The following MAN2A2 variants were observed in gnomAD, a reference collection of about 807,000 sequenced individuals.
MAN2A2 encodes the protein alpha-mannosidase 2x.
A neutral mutation model predicts 126.8 loss-of-function variants in MAN2A2; 79 were observed. The observed-to-expected ratio is 0.62, with a 90% CI of 0.52 to 0.75. The LOEUF is 0.75. Ranked by LOEUF, MAN2A2 falls within the 30% of genes least tolerant of loss-of-function variation. The pLI, the probability that MAN2A2 is intolerant of heterozygous loss-of-function variation, is 0.00. For synonymous variants in MAN2A2, 671 were observed against 618.7 expected, an observed-to-expected ratio of 1.08 and a Z score of -1.25; for missense variants, 1,392 against 1,522.4, an observed-to-expected ratio of 0.91 and a Z score of 1.43.
intron 19 of MAN2A2, among the ~76,000 whole-genome samples, chr15:90,914,669 G>A (rs541892989): frequency 3.2e-4 from 49 of 152,182 alleles, no homozygotes; most frequent in Non-Finnish European, 6.6e-4. Flanking sequence ...ACAGGCGCCC[G>A]CCACCATGCG....
chr15:90,916,115 T>C lies in MAN2A2; in HGVS notation c.2861-8T>C. ...GGGCGGGCCAGCACTCACTGTTTGCTTCCCCAGGCCAGCTGGAGGTGATCT... is the reference window on the plus strand; with the variant it reads ...GGGCGGGCCAGCACTCACTGTTTGCCTCCCCAGGCCAGCTGGAGGTGATCT... On this transcript the variant is annotated splice_polypyrimidine_tract_variant and splice_region_variant and intron_variant, in intron 19 of 22. Transcript: ENST00000559717. 6.2e-7 allele frequency: 1 copy of C among 1,613,594 alleles called. No homozygotes were observed. Among genetic ancestry groups the C allele is most frequent in the South Asian group, 1.1e-5 (1 of 91,072 alleles).
chr15:90,911,893 A>C, intron 14 of MAN2A2, 150 bp from the exon 15 acceptor site: 1 of 695,438 alleles, frequency 1.4e-6, no homozygotes, highest in Non-Finnish European at 2.5e-6. Flanking sequence ...TGAGGAAGAA[A>C]GGGCAAATCA....
At chr15:90,905,816 C>T in intron 4 of MAN2A2, 29 bp from the exon 5 acceptor site, 2 of 1,576,998 alleles carry the variant, frequency 1.3e-6, no homozygotes, top group South Asian at 2.3e-5. Flanking sequence ...ATGGTGGCAT[C>T]CTCAGGGGAC....
At chr15:90,919,577 C>G (rs2035442503) in intron 22 of MAN2A2, 58 bp from the exon 23 acceptor site, 1 of 1,587,538 alleles carries the variant, frequency 6.3e-7, no homozygotes, top group Non-Finnish European at 8.6e-7. Flanking sequence ...GATGAACAGC[C>G]ACATTCTTTA....
rs143254894 is a variant in MAN2A2, at chr15:90,911,923, G to A, written c.2110-120G>A. ...AAATCAGATCACCTCCACTTTGGAG[G>A]AGGGGCAGAGGCCCAGCGGGTGCAG... is the stretch of plus-strand genomic sequence containing the variant. On this transcript the variant is annotated intron_variant, in intron 14 of 22. Transcript: ENST00000559717. 8.1e-5 allele frequency: 62 copies of A among 769,068 alleles called. No homozygotes were observed. In the African/African-American group the frequency reaches 9.7e-4, roughly 12 times the overall value. The allele number at this position is 769,068 out of a possible 1,614,324, so 47.6% of individuals were successfully genotyped here. A position where few individuals can be genotyped will look rare whatever the true frequency, so the allele number is the denominator to read the frequency against.
At position 90,912,978 on chromosome 15, in the gene MAN2A2, T is replaced by G. The variant is rs1456486297; in HGVS notation, c.2571T>G (p.Leu857=). The G allele has an allele frequency of 1.9e-6, 3 of 1,613,662 alleles. No individual in the cohort carries two copies. Among genetic ancestry groups the G allele is most frequent in the Non-Finnish European group, 2.5e-6 (3 of 1,179,704 alleles). Residue 857 remains leucine (L), a synonymous_variant, in exon 17 of 23, where the codon CTT becomes CTG. Transcript: ENST00000559717. ...YYEHIHQAVR[L]YNLPGVEGLS... ...AGCACATTCACCAGGCGGTCCGGCT[T>G]TACAATCTGCCAGGTGAGCCCTGCA...
chr15:90,906,800 A>C lies in MAN2A2; in HGVS notation c.896A>C (p.Tyr299Ser). The change falls in exon 7 of 23, where the codon TAC becomes TCC. Residue 299 changes from tyrosine (Y) to serine (S), a missense_variant. Coordinates refer to ENST00000559717, the MANE Select transcript of MAN2A2 (RefSeq NM_006122.4). ...TTTGGATACAGCTCCACCATGCCTT[A>C]CCTGCTGCGCCGTGCCAACCTCACC... ...DPFGYSSTMP[Y>S]LLRRANLTSM... The C allele has an allele frequency of 6.2e-7, 1 of 1,613,862 alleles. No homozygotes were observed. Among genetic ancestry groups the C allele is most frequent in the South Asian group, 1.1e-5 (1 of 91,084 alleles).
chr15:90,911,962 C>A, intron 14 of MAN2A2, 81 bp from the exon 15 acceptor site: 1 of 1,190,776 alleles, frequency 8.4e-7, no homozygotes, highest in Non-Finnish European at 1.2e-6. Flanking sequence ...CTTGCTCAAG[C>A]CCTCTGTTAG....
chr15:90,903,538 G>C (rs1400523204), intron 1 of MAN2A2, 106 bp downstream of exon 1: 3 of 155,504 alleles, frequency 1.9e-5, no homozygotes, highest in African/African-American at 7.2e-5. Flanking sequence ...GGCCTTCGGC[G>C]TCACTGCAGG....
intron 20 of MAN2A2, 25 bp from the exon 21 acceptor site, chr15:90,918,169 C>T: frequency 6.2e-7 from 1 of 1,604,286 alleles, no homozygotes; most frequent in Non-Finnish European, 8.5e-7. Flanking sequence ...TGGTCCCTCA[C>T]CAATATCTCG....
chr15:90,906,073 A>T, intron 5 of MAN2A2, 57 bp downstream of exon 5: 1 of 1,606,368 alleles, frequency 6.2e-7, no homozygotes, highest in South Asian at 1.1e-5. Flanking sequence ...GGCTGGGTGG[A>T]CGGGTCTTAC....
chr15:90,921,921 A>C lies in MAN2A2; in HGVS notation c.*2134A>C, dbSNP rs930437310. 1.3e-5 allele frequency: 2 copies of C among 152,120 alleles called. No individual in the cohort carries two copies. Among genetic ancestry groups the C allele is most frequent in the Non-Finnish European group, 2.9e-5 (2 of 67,988 alleles). 9.4% of individuals were successfully genotyped at this position (152,120 alleles called of 1,614,324 possible). A position where few individuals can be genotyped will look rare whatever the true frequency, so the allele number is the denominator to read the frequency against. The stretch of plus-strand genomic sequence containing the variant: ...CAGCCTGGGTGACACAGCCAAAAAA[A>C]AAACCACTAAGTTAGATCTCTACCT... On this transcript the variant is annotated 3_prime_UTR_variant, in exon 23 of 23. Transcript: ENST00000559717.
At chr15:90,908,876 C>T (rs2002739) in intron 8 of MAN2A2, among the ~76,000 whole-genome samples, 52,572 of 152,064 alleles carry the variant, frequency 0.35, 10,805 homozygotes, top group East Asian at 0.96. Flanking sequence ...GCGCTCGGCC[C>T]ATTCAATCCA....
rs2034849014 is a variant in MAN2A2 at position 90,912,670 on chromosome 15, C to T, written c.2469+6C>T. On this transcript the variant is annotated splice_donor_region_variant and intron_variant, in intron 16 of 22. Coordinates refer to ENST00000559717, the MANE Select transcript of MAN2A2 (RefSeq NM_006122.4). ...TGCCCGATGGCGAGGCCAAGGTATC[C>T]TAAAGATGCCTTGAACAACCTGGCA... 1 of 1,613,812 alleles carries T rather than the reference C, an allele frequency of 6.2e-7. No homozygotes were observed. Among genetic ancestry groups the T allele is most frequent in the Non-Finnish European group, 8.5e-7 (1 of 1,179,946 alleles).
chr15:90,909,490 A>C lies in MAN2A2; in HGVS notation c.1360A>C (p.Asn454His), dbSNP rs184915505. Residue 454 changes from asparagine (N) to histidine (H), a missense_variant, in exon 9 of 23, where the codon AAC becomes CAC. Coordinates refer to ENST00000559717, the MANE Select transcript of MAN2A2 (RefSeq NM_006122.4). ...RLFDFFNSRP[N>H]LHVQAQFGTL... The stretch of plus-strand genomic sequence containing the variant: ...CTTTGACTTCTTCAACAGCAGGCCT[A>C]ACCTCCATGTGCAGGTGTGAGGGGC... The C allele has an allele frequency of 2.0e-5, 32 of 1,613,608 alleles. No homozygotes were observed. The East Asian group carries it at 6.7e-4, about 34-fold the overall frequency.
At chr15:90,902,842 C>T (rs922327949), upstream of MAN2A2, 2 of 146,856 alleles carry the variant, frequency 1.4e-5, no homozygotes, top group African/African-American at 4.9e-5. Flanking sequence ...GCGCGCGGAG[C>T]AGGGGGCTAC....
chr15:90,903,050 A>C (rs1478824472), upstream of MAN2A2: 1 of 151,888 alleles, frequency 6.6e-6, no homozygotes, highest in Non-Finnish European at 1.5e-5. Context: ...CGGGAGTGCG[A>C]GCGCCACTGC....
chr15:90,907,139 C>T (rs2034361085), intron 7 of MAN2A2, 170 bp from the exon 8 acceptor site: 6 of 827,738 alleles, frequency 7.2e-6, no homozygotes, highest in African/African-American at 5.1e-5. Context: ...GTGCCCGTCC[C>T]CTGAGGGAGC....
Position 90,918,281 on chromosome 15 carries a change from G to C in MAN2A2, c.3082G>C (p.Val1028Leu). 1 of 1,614,192 alleles carries C rather than the reference G, an allele frequency of 6.2e-7. No individual in the cohort carries two copies. The highest frequency in any genetic ancestry group is 2.2e-5 in the East Asian group (1 of 44,882). ...YLNAPALALP[V>L]ARMQLPGPGL... ...GAACGCCCCGGCGCTCGCTCTGCCT[G>C]TAGCCAGGATGCAGCTCCCAGGCCC... is the stretch of plus-strand genomic sequence containing the variant. Residue 1028 changes from valine to leucine, a missense_variant, in exon 21 of 23, where the codon GTA becomes CTA. By Grantham distance (32) the Val-to-Leu change is conservative. Coordinates refer to ENST00000559717, the MANE Select transcript of MAN2A2 (RefSeq NM_006122.4).
Sources: allele counts gnomAD v4.1 joint callset (sites outside exome capture counted in the v4.1 genomes callset), GRCh38; gene constraint gnomAD v4.1.1; transcripts MANE v1.5; gene names NCBI Gene and HGNC (gene_info 2026-07-23, HGNC 2026-07-21).